The following SEC16B variants were observed in gnomAD, a reference collection of about 807,000 sequenced individuals.
SEC16B encodes the protein SEC16 homolog B, endoplasmic reticulum export factor, also known as protein transport protein Sec16B.
A neutral mutation model predicts 141.8 loss-of-function variants in SEC16B; 115 were observed. That is an observed-to-expected ratio of 0.81 (90% CI 0.70 to 0.95). SEC16B has a LOEUF of 0.95. SEC16B is among the 40% of genes least tolerant of loss of function. SEC16B has a pLI of 0.00. For synonymous variants in SEC16B, 493 were observed against 492.5 expected (o/e 1.00, Z -0.01); for missense variants, 1,291 against 1,312.3 (o/e 0.98, Z 0.25).
chr1:177,935,363 A>G (rs1230724155), intron 20 of SEC16B, among the ~76,000 whole-genome samples: 1 of 152,172 alleles, frequency 6.6e-6, no homozygotes, highest in Non-Finnish European at 1.5e-5. Flanking sequence ...CATAAAATCA[A>G]TTTCGTCATG....
Position 177,932,701 on chromosome 1 carries a change from T to G in SEC16B, c.2929A>C (p.Arg977=). ...AGAGGACGTGAGGTGACGGTACCTC[T>G]GCCCCTGGAGAAGGCACTAACATCC... ...LPDVSAFSRG[R]GGGEGRGSAS... The change falls in exon 23 of 26, where the codon AGA becomes CGA. Residue 977 remains arginine, a synonymous_variant. Transcript: ENST00000308284. 6.3e-7 allele frequency: 1 copy of G among 1,585,286 alleles called. No homozygotes were observed. The highest frequency in any genetic ancestry group is 8.6e-7 in the Non-Finnish European group (1 of 1,166,642).
intron 15 of SEC16B, among the ~76,000 whole-genome samples, chr1:177,942,545 G>A (rs1008305821): frequency 2.0e-5 from 3 of 152,100 alleles, no homozygotes; most frequent in Non-Finnish European, 4.4e-5. Context: ...GCATGCACCT[G>A]TAGTCCCAGC....
chr1:177,984,194 A>G (rs1246601318), intron 1 of SEC16B: 1 of 152,196 alleles, frequency 6.6e-6, no homozygotes, highest in Middle Eastern at 3.2e-3. Context: ...AATGGTGAAA[A>G]TAAGTACTTA....
At chr1:177,967,648 G>A in intron 2 of SEC16B, 35 bp downstream of exon 2, 1 of 1,525,628 alleles carries the variant, frequency 6.6e-7, no homozygotes, top group South Asian at 1.3e-5. Flanking sequence ...ACGCATTTAG[G>A]AGAGTTGCAT....
chr1:177,963,500 G>A (rs925614456), intron 5 of SEC16B, among the ~76,000 whole-genome samples: 5 of 152,074 alleles, frequency 3.3e-5, no homozygotes, highest in Admixed American at 1.3e-4. Context: ...CTACTCGGGA[G>A]GCTGAGGCAG....
intron 25 of SEC16B, among the ~76,000 whole-genome samples, chr1:177,930,326 T>C (rs1423654452): frequency 1.3e-5 from 2 of 152,174 alleles, no homozygotes; most frequent in African/African-American, 4.8e-5. Context: ...GTAACTACAT[T>C]TATTGACCAT....
chr1:177,940,681 C>T lies in SEC16B; in HGVS notation c.2056G>A (p.Val686Ile). The change falls in exon 17 of 26, where the codon GTT (valine) becomes ATT (isoleucine). Residue 686 changes from valine (V) to isoleucine (I), a missense_variant. Physicochemically the swap from Val to Ile is conservative, Grantham distance 29. Coordinates refer to ENST00000308284, the MANE Select transcript of SEC16B (RefSeq NM_033127.4). ...AEKLKLSDPLVLERRSGDRDL... is the reference protein window; with the variant it reads ...AEKLKLSDPLILERRSGDRDL... ...CTGTCTCCACTGCGTCTTTCTAAAA[C>T]CAGAGGATCTGACAGCTTCAGTTTC... 6.8e-6 allele frequency: 11 copies of T among 1,613,824 alleles called. No homozygotes were observed. The highest frequency in any genetic ancestry group is 8.5e-6 in the Non-Finnish European group (10 of 1,179,828).
chr1:177,980,758 CGAA>C (rs372787329), intron 1 of SEC16B, among the ~76,000 whole-genome samples: 1 of 130,142 alleles, frequency 7.7e-6, no homozygotes, highest in Non-Finnish European at 1.6e-5. Flanking sequence ...GGTTTCTCTG[CGAA>C]AAAAAAAAAG....
intron 1 of SEC16B, among the ~76,000 whole-genome samples, chr1:177,983,716 G>A (rs1290756519): frequency 1.1e-4 from 16 of 152,152 alleles, no homozygotes; most frequent in African/African-American, 1.9e-4. Flanking sequence ...CATCTATATA[G>A]CTTGAGAGCA....
intron 1 of SEC16B, among the ~76,000 whole-genome samples, chr1:177,969,195 T>C (rs751227257): frequency 6.6e-6 from 1 of 152,132 alleles, no homozygotes; most frequent in Non-Finnish European, 1.5e-5. Flanking sequence ...ATATAAAAAT[T>C]CATATCAGAA....
intron 22 of SEC16B, among the ~76,000 whole-genome samples, 188 bp from the exon 23 acceptor site, chr1:177,932,994 T>C (rs969739274): frequency 6.6e-6 from 1 of 152,172 alleles, no homozygotes. Flanking sequence ...CTGCTGACCC[T>C]CTAAAGTTAC....
In SEC16B at chr1:177,960,502, T is replaced by C. The variant is rs1652972878; in HGVS notation, c.937-99A>G. 11 of 879,794 alleles carry C rather than the reference T, an allele frequency of 1.3e-5. 1 individual carries two copies. In the South Asian group the frequency reaches 1.6e-4, roughly 13 times the overall value. The allele number at this position is 879,794 out of a possible 1,614,324, so 54.5% of individuals were successfully genotyped here. On this transcript the variant is annotated intron_variant, in intron 7 of 25. Transcript: ENST00000308284. ...AGACCCCAAGGCCGTGGGGCTAGGA[T>C]ATGGCTCAAGGCCTTGTGGAGAAAG...
chr1:177,932,910 ACTG>A (rs1324541335), intron 22 of SEC16B, 104 bp from the exon 23 acceptor site: 1 of 1,159,086 alleles, frequency 8.6e-7, no homozygotes, highest in African/African-American at 1.5e-5. Flanking sequence ...CTTGCCACAA[ACTG>A]CTGCTGGGCA....
At position 177,929,750 on chromosome 1, in the gene SEC16B, A is replaced by C; in HGVS notation, c.*108T>G. 1.6e-6 allele frequency: 2 copies of C among 1,276,054 alleles called. No homozygotes were observed. The highest frequency in any genetic ancestry group is 2.2e-6 in the Non-Finnish European group (2 of 895,132). The allele number at this position is 1,276,054 out of a possible 1,614,324, so 79.0% of individuals were successfully genotyped here. On this transcript the variant is annotated 3_prime_UTR_variant, in exon 26 of 26. Coordinates refer to ENST00000308284, the MANE Select transcript of SEC16B (RefSeq NM_033127.4). ...TGCCCGGTGGAGGCATCGGGCTAGC[A>C]CAAACCTCTTGAGGGTCCCAATATG...
At chr1:177,968,741 C>T (rs2102008252) in intron 1 of SEC16B, among the ~76,000 whole-genome samples, 2 of 152,152 alleles carry the variant, frequency 1.3e-5, no homozygotes, top group Middle Eastern at 6.8e-3. Context: ...TTACATTAAC[C>T]CCCTCAAAGA....
intron 12 of SEC16B, among the ~76,000 whole-genome samples, chr1:177,949,236 A>G (rs1651974779): frequency 6.6e-6 from 1 of 152,158 alleles, no homozygotes; most frequent in Admixed American, 6.5e-5. Context: ...GTCACATCGA[A>G]CCATGAACTA....
chr1:177,961,830 G>T, intron 5 of SEC16B, 96 bp from the exon 6 acceptor site: 2 of 1,135,294 alleles, frequency 1.8e-6, no homozygotes, highest in East Asian at 2.5e-5. Context: ...CGGTGAAAGT[G>T]GATGTGTTGA....
At chr1:177,936,205 A>C in intron 20 of SEC16B, 93 bp downstream of exon 20, 4 of 932,434 alleles carry the variant, frequency 4.3e-6, no homozygotes, top group Non-Finnish European at 6.8e-6. Context: ...AACACTGAGG[A>C]GGAGCTTGCA....
At chr1:177,964,125 G>T in intron 5 of SEC16B, 46 bp downstream of exon 5, 1 of 1,394,492 alleles carries the variant, frequency 7.2e-7, no homozygotes, top group Non-Finnish European at 9.9e-7. Flanking sequence ...AGTGTCAGCT[G>T]CGACACATGG....
Sources: gnomAD v4.1 joint callset for allele counts (sites outside exome capture counted in the v4.1 genomes callset) on GRCh38, gnomAD v4.1.1 for gene constraint, MANE v1.5 for transcripts, NCBI Gene and HGNC (gene_info 2026-07-23, HGNC 2026-07-21) for gene names.